The following SESN1 variants were observed in gnomAD, a reference collection of about 807,000 sequenced individuals.
SESN1 encodes the protein sestrin-1.
A neutral mutation model predicts 59.3 loss-of-function variants in SESN1; 30 were observed. That is an observed-to-expected ratio of 0.51 (90% confidence interval 0.38 to 0.69). SESN1 has a LOEUF of 0.69. Ranked by LOEUF, SESN1 falls within the 30% of genes least tolerant of loss-of-function variation. The probability of loss-of-function intolerance (pLI) is 0.00; values close to 1 mark genes in which losing one functional copy is unlikely to be tolerated. For synonymous variants in SESN1, 197 were observed against 219.9 expected, an observed-to-expected ratio of 0.90 and a Z score of 0.92; for missense variants, 566 against 673.0, an observed-to-expected ratio of 0.84 and a Z score of 1.76.
At chr6:109,009,637 G>A (rs1244677005) in intron 1 of SESN1, 4 of 858,774 alleles carry the variant, frequency 4.7e-6, no homozygotes, top group African/African-American at 3.6e-5. Flanking sequence ...GGCCACGCAA[G>A]CCAATGCGGG....
intron 1 of SESN1, among the ~76,000 whole-genome samples, chr6:109,085,723 C>A: frequency 6.6e-6 from 1 of 152,122 alleles, no homozygotes; most frequent in Non-Finnish European, 1.5e-5. Context: ...CCACTGACTT[C>A]TATTTAAAAA....
At chr6:109,039,755 T>C (rs1780310261) in intron 1 of SESN1, among the ~76,000 whole-genome samples, 1 of 152,246 alleles carries the variant, frequency 6.6e-6, no homozygotes, top group Non-Finnish European at 1.5e-5. Context: ...GTAAAAGTTA[T>C]TTTAGCTACC....
intron 9 of SESN1, among the ~76,000 whole-genome samples, chr6:108,987,944 AG>A (rs1373215624): frequency 1.3e-5 from 2 of 151,906 alleles, no homozygotes; most frequent in Non-Finnish European, 2.9e-5. Flanking sequence ...CTGGGAATAC[AG>A]GTGCATGCCA....
rs1389318973 is a variant in SESN1 at position 109,000,548 on chromosome 6, T to G, written c.672A>C (p.Gly224=). 2 of 1,611,398 alleles carry G rather than the reference T, an allele frequency of 1.2e-6. No homozygotes were observed. Among genetic ancestry groups the G allele is most frequent in the African/African-American group, 2.7e-5 (2 of 74,840 alleles). The change falls in exon 4 of 10, where the codon GGA becomes GGC. Residue 224 remains glycine (G), a synonymous_variant. Coordinates refer to ENST00000436639, the MANE Select transcript of SESN1 (RefSeq NM_014454.3). The part of the protein sequence containing the change: ...ENAPQKLQNL[G]ELNKVLAHRP... ...TATGGGCTAACACTTTGTTAAGTTC[T>G]CCTAAATTCTGTAGTTTTTGAGGAG...
intron 1 of SESN1, chr6:109,008,779 A>T (rs984154291): frequency 1.0e-6 from 1 of 985,308 alleles, no homozygotes; most frequent in African/African-American, 1.7e-5. Context: ...CAGAAAAGGG[A>T]TGGCTTAATA....
intron 1 of SESN1, among the ~76,000 whole-genome samples, chr6:109,089,531 C>G (rs1220578808): frequency 1.3e-5 from 2 of 152,122 alleles, no homozygotes; most frequent in African/African-American, 4.8e-5. Context: ...ACTAGAACAG[C>G]GGTATCGGGG....
At position 108,994,505 on chromosome 6, in the gene SESN1, A is replaced by G. The variant is rs774059064; in HGVS notation, c.1077T>C (p.Arg359=). Residue 359 remains arginine, a synonymous_variant, in exon 6 of 10, where the codon CGT becomes CGC. Coordinates refer to ENST00000436639, the MANE Select transcript of SESN1 (RefSeq NM_014454.3). The part of the protein sequence containing the change: ...EEASQEEMAS[R]FEIEKRESMF... Reference sequence around the variant, plus strand: ...TACTCTCTCTTTTTTCTATTTCAAAACGTGAAGCCATCTCTTCCTGACTTG... The same window carrying G: ...TACTCTCTCTTTTTTCTATTTCAAAGCGTGAAGCCATCTCTTCCTGACTTG... 14 of 1,613,050 alleles carry G rather than the reference A, an allele frequency of 8.7e-6. No individual in the cohort carries two copies. Among genetic ancestry groups the G allele is most frequent in the Non-Finnish European group, 9.3e-6 (11 of 1,179,504 alleles).
chr6:109,000,723 C>T (rs1779602510), intron 3 of SESN1, 50 bp from the exon 4 acceptor site: 1 of 1,333,504 alleles, frequency 7.5e-7, no homozygotes, highest in Non-Finnish European at 9.8e-7. Context: ...CCTTGAACTA[C>T]ATATCCTTTT....
At position 109,089,619 on chromosome 6, in the gene SESN1, C is replaced by A. The variant is rs553313296; in HGVS notation, c.279+4176G>T. 1.2e-4 allele frequency among the ~76,000 whole-genome samples: 19 copies of A among 152,310 alleles called. No individual in the cohort carries two copies. The East Asian group carries it at 2.5e-3, about 20-fold the overall frequency. ...AACTCAACATGTCTAAAACAGCAGT[C>A]ATTTTTCCCCTAAATTGACCCCCTG... On this transcript the variant is annotated intron_variant, in intron 1 of 9. Coordinates refer to ENST00000436639, the MANE Select transcript of SESN1 (RefSeq NM_014454.3).
chr6:109,085,768 T>C (rs1781203948), intron 1 of SESN1, among the ~76,000 whole-genome samples: 1 of 152,196 alleles, frequency 6.6e-6, no homozygotes, highest in Non-Finnish European at 1.5e-5. Flanking sequence ...AAAAATAAAC[T>C]GATTTGAGAA....
chr6:108,999,034 C>T (rs1165219631), intron 4 of SESN1: 1 of 233,920 alleles, frequency 4.3e-6, no homozygotes. Context: ...AAAGTGGCTG[C>T]TGTATTTCAG....
rs116532829 is a variant in SESN1 at position 109,068,062 on chromosome 6, C to T, written c.279+25733G>A. ...GCTTCTCTTATAGCTGCAGACCTCACTGAGTTCCAGTAACTACACTCAACC... is the reference window on the plus strand; with the variant it reads ...GCTTCTCTTATAGCTGCAGACCTCATTGAGTTCCAGTAACTACACTCAACC... On this transcript the variant is annotated intron_variant, in intron 1 of 9. Coordinates refer to ENST00000436639, the MANE Select transcript of SESN1 (RefSeq NM_014454.3). 7.8e-3 allele frequency among the ~76,000 whole-genome samples: 1,195 copies of T among 152,330 alleles called. 21 individuals are homozygous for T. Among genetic ancestry groups the T allele is most frequent in the African/African-American group, 0.028 (1,145 of 41,564 alleles).
chr6:109,000,228 C>T (rs542481593), intron 4 of SESN1: 2 of 276,820 alleles, frequency 7.2e-6, no homozygotes, highest in Non-Finnish European at 1.3e-5. Flanking sequence ...GGATGCGTGA[C>T]ATTAGGCATT....
chr6:109,072,404 G>A (rs1275837064), intron 1 of SESN1, among the ~76,000 whole-genome samples: 1 of 152,110 alleles, frequency 6.6e-6, no homozygotes, highest in Non-Finnish European at 1.5e-5. Flanking sequence ...TCCAGTCCTT[G>A]AGAAACACAA....
chr6:108,993,284 T>C (rs1009235119), intron 6 of SESN1, among the ~76,000 whole-genome samples: 3 of 152,204 alleles, frequency 2.0e-5, no homozygotes, highest in African/African-American at 7.2e-5. Flanking sequence ...ATTATTTTTG[T>C]TGAATATTAA....
rs143530975 is a variant in SESN1 at position 109,068,880 on chromosome 6, C to T, written c.279+24915G>A. On this transcript the variant is annotated intron_variant, in intron 1 of 9. Coordinates refer to ENST00000436639, the MANE Select transcript of SESN1 (RefSeq NM_014454.3). ...GGATTACAGGCACCTACCACCATGCCTAGCTAATTTTTTGTATTTTTAGTA... is the reference window on the plus strand; with the variant it reads ...GGATTACAGGCACCTACCACCATGCTTAGCTAATTTTTTGTATTTTTAGTA... Among the ~76,000 whole-genome samples, 1,420 of 152,136 alleles carry T rather than the reference C, an allele frequency of 9.3e-3. 22 individuals carry two copies. Among genetic ancestry groups the T allele is most frequent in the African/African-American group, 0.033 (1,366 of 41,482 alleles).
chr6:109,014,047 A>T (rs1177053185), intron 1 of SESN1, among the ~76,000 whole-genome samples: 6 of 149,856 alleles, frequency 4.0e-5, no homozygotes, highest in Non-Finnish European at 5.9e-5. Flanking sequence ...GAATTATATC[A>T]CTTTAAAGGA....
rs1583294031 is a variant in SESN1 at position 109,067,248 on chromosome 6, G to A, written c.279+26547C>T. 2.0e-5 allele frequency among the ~76,000 whole-genome samples: 3 copies of A among 152,186 alleles called. No homozygotes were observed. In the East Asian group the frequency reaches 5.8e-4, roughly 29 times the overall value. On this transcript the variant is annotated intron_variant, in intron 1 of 9. Transcript: ENST00000436639. ...TCTCCAGTCTATCTGGGCACAAAGG[G>A]ATTGTATCACTGTCACTGCAGGTCC...
intron 1 of SESN1, among the ~76,000 whole-genome samples, chr6:109,062,966 G>A (rs930312762): frequency 6.6e-6 from 1 of 152,318 alleles, no homozygotes; most frequent in Non-Finnish European, 1.5e-5. Flanking sequence ...AGGTGGGACT[G>A]CTGTATGAAG....
Sources: gnomAD v4.1 joint callset for allele counts (sites outside exome capture counted in the v4.1 genomes callset) on GRCh38, gnomAD v4.1.1 for gene constraint, MANE v1.5 for transcripts, NCBI Gene and HGNC (gene_info 2026-07-23, HGNC 2026-07-21) for gene names.